Variants in PLCB4 observed in about 807,000 individuals in gnomAD.
PLCB4 encodes the protein phospholipase C beta 4.
Under a neutral mutation model 178.8 loss-of-function variants are expected in PLCB4, and 77 were observed. That is an observed-to-expected ratio of 0.43 (90% confidence interval 0.36 to 0.52). The LOEUF is 0.52. Among genes scored for constraint, PLCB4 ranks in the 20% least tolerant of loss-of-function variants. PLCB4 has a pLI of 0.00. For synonymous variants in PLCB4, 496 were observed against 490.8 expected, an observed-to-expected ratio of 1.01 and a Z score of -0.14; for missense variants, 1,024 against 1,453.4, an observed-to-expected ratio of 0.70 and a Z score of 4.80.
At chr20:9,387,958 G>A (rs912077201) in intron 15 of PLCB4, among the ~76,000 whole-genome samples, 2 of 152,256 alleles carry the variant, frequency 1.3e-5, no homozygotes, top group African/African-American at 4.8e-5. Context: ...AATAAGAAAG[G>A]CCGGGCGTGG....
At chr20:9,137,507 G>A (rs6056419) in intron 2 of PLCB4, among the ~76,000 whole-genome samples, 1 of 151,836 alleles carries the variant, frequency 6.6e-6, no homozygotes, top group Non-Finnish European at 1.5e-5. Context: ...GCTCTGTTTA[G>A]GTAGTGAATT....
chr20:9,179,845 G>A (rs2093217038), intron 2 of PLCB4, among the ~76,000 whole-genome samples: 9 of 152,210 alleles, frequency 5.9e-5, no homozygotes, highest in Admixed American at 4.6e-4. Context: ...ATTATCTCAG[G>A]TTCTCTTCAG....
chr20:9,132,243 C>G (rs1476073174), intron 2 of PLCB4, among the ~76,000 whole-genome samples: 1 of 151,854 alleles, frequency 6.6e-6, no homozygotes, highest in African/African-American at 2.4e-5. Context: ...TTTCATAATG[C>G]TATAGTGCCA....
intron 1 of PLCB4, among the ~76,000 whole-genome samples, 164 bp from the exon 2 acceptor site, chr20:9,096,123 G>A (rs1052038187): frequency 6.2e-4 from 95 of 152,188 alleles, no homozygotes; most frequent in African/African-American, 2.3e-3. Context: ...AATGTTTTAT[G>A]TAGATAGAAA....
chr20:9,375,410 G>C (rs2036585184), intron 12 of PLCB4, among the ~76,000 whole-genome samples: 1 of 152,116 alleles, frequency 6.6e-6, no homozygotes, highest in Admixed American at 6.6e-5. Context: ...TAGCCACATA[G>C]TCTCAACAAG....
intron 7 of PLCB4, among the ~76,000 whole-genome samples, chr20:9,351,363 T>TA (rs2034325741): frequency 6.6e-6 from 1 of 152,112 alleles, no homozygotes; most frequent in African/African-American, 2.4e-5. Flanking sequence ...ACTTTTTTTT[T>TA]AATTTTTTGA....
intron 14 of PLCB4, among the ~76,000 whole-genome samples, chr20:9,386,555 A>T (rs1452781819): frequency 6.6e-6 from 1 of 152,048 alleles, no homozygotes; most frequent in African/African-American, 2.4e-5. Flanking sequence ...TCCATTTGCA[A>T]ACTTCCTCTG....
chr20:9,332,235 A>G (rs2031782342), intron 4 of PLCB4, among the ~76,000 whole-genome samples: 1 of 152,154 alleles, frequency 6.6e-6, no homozygotes, highest in Non-Finnish European at 1.5e-5. Context: ...GATTTTTCTG[A>G]CAATGGGACT....
intron 4 of PLCB4, among the ~76,000 whole-genome samples, chr20:9,336,492 G>A (rs1182773686): frequency 6.6e-6 from 1 of 152,074 alleles, no homozygotes; most frequent in Non-Finnish European, 1.5e-5. Flanking sequence ...GAATCTTCTA[G>A]AGGGCTTGTT....
intron 7 of PLCB4, 132 bp from the exon 8 acceptor site, chr20:9,362,764 T>C: frequency 1.5e-6 from 1 of 645,974 alleles, no homozygotes; most frequent in East Asian, 2.7e-5. Flanking sequence ...TAGATGGCTG[T>C]GTGACAGGAA....
At chr20:9,240,087 A>T (rs971334444) in intron 3 of PLCB4, among the ~76,000 whole-genome samples, 1 of 152,166 alleles carries the variant, frequency 6.6e-6, no homozygotes, top group Non-Finnish European at 1.5e-5. Context: ...ACCCTCACAG[A>T]CACACTGAGG....
intron 3 of PLCB4, among the ~76,000 whole-genome samples, chr20:9,220,181 G>A (rs938775481): frequency 1.3e-5 from 2 of 152,128 alleles, no homozygotes; most frequent in Non-Finnish European, 2.9e-5. Context: ...GAATGCCTTA[G>A]TTTAGTCCAA....
chr20:9,404,578 C>G (rs547686717), intron 20 of PLCB4, among the ~76,000 whole-genome samples: 1 of 144,864 alleles, frequency 6.9e-6, no homozygotes, highest in Non-Finnish European at 1.5e-5. Context: ...GCACTCCAGC[C>G]TGGGCAACAG....
chr20:9,141,480 T>C (rs2092488915), intron 2 of PLCB4, among the ~76,000 whole-genome samples: 1 of 152,154 alleles, frequency 6.6e-6, no homozygotes, highest in East Asian at 1.9e-4. Context: ...ACTGAGATTT[T>C]GTTTTATTTA....
intron 2 of PLCB4, among the ~76,000 whole-genome samples, chr20:9,130,979 C>A (rs1424304296): frequency 6.6e-6 from 1 of 152,140 alleles, no homozygotes; most frequent in African/African-American, 2.4e-5. Flanking sequence ...AAGCCTCTTG[C>A]ATGTCCATGG....
chr20:9,387,469 T>C lies in PLCB4; in HGVS notation c.1071T>C (p.Val357=). 1.9e-6 allele frequency: 3 copies of C among 1,566,286 alleles called. No individual in the cohort carries two copies. The highest frequency in any genetic ancestry group is 1.7e-4 in the Middle Eastern group (1 of 5,788). The change falls in exon 15 of 40, where the codon GTT becomes GTC. Residue 357 remains valine (V), a synonymous_variant. Coordinates refer to ENST00000378473, the MANE Select transcript of PLCB4 (RefSeq NM_001377142.1). ...AACTTCACTATATCCCTAGATGTGT[T>C]GAACTTGACTGCTGGGATGGAAAAG... The part of the protein sequence containing the change: ...RQVLLAGCRC[V]ELDCWDGKGE...
chr20:9,443,051 A>G (rs1286231427), intron 30 of PLCB4, among the ~76,000 whole-genome samples: 1 of 152,130 alleles, frequency 6.6e-6, no homozygotes, highest in Non-Finnish European at 1.5e-5. Flanking sequence ...CTGTTTGAGG[A>G]TCTGGCTACA....
At chr20:9,371,178 T>A in intron 9 of PLCB4, 36 bp from the exon 10 acceptor site, 1 of 1,274,284 alleles carries the variant, frequency 7.8e-7, no homozygotes, top group African/African-American at 1.5e-5. Context: ...TAATGAACAA[T>A]AACTGGAATG....
intron 7 of PLCB4, among the ~76,000 whole-genome samples, chr20:9,357,607 T>C (rs2034952282): frequency 6.6e-6 from 1 of 152,124 alleles, no homozygotes; most frequent in South Asian, 2.1e-4. Flanking sequence ...GGTGATTAGG[T>C]CATGAGTGTG....
Sources: allele counts gnomAD v4.1 joint callset (sites outside exome capture counted in the v4.1 genomes callset), GRCh38; gene constraint gnomAD v4.1.1; transcripts MANE v1.5; gene names NCBI Gene and HGNC (gene_info 2026-07-23, HGNC 2026-07-21).